JPH3: variants seen among roughly 807,000 people sequenced by gnomAD.
JPH3 encodes junctophilin-3.
A neutral mutation model predicts 59.6 loss-of-function variants in JPH3; 11 were observed. The observed-to-expected ratio is 0.18, with a 90% CI of 0.12 to 0.31. JPH3 has a LOEUF of 0.31. Ranked by LOEUF, JPH3 falls within the 10% of genes least tolerant of loss-of-function variation. The pLI, the probability that JPH3 is intolerant of heterozygous loss-of-function variation, is 1.00. For synonymous variants in JPH3, 673 were observed against 483.6 expected (o/e 1.39, Z -5.14); for missense variants, 1,202 against 1,105.7 (o/e 1.09, Z -1.24).
intron 4 of JPH3, chr16:87,694,646 C>G (rs2033732450): frequency 6.5e-6 from 1 of 152,894 alleles, no homozygotes; most frequent in Admixed American, 6.5e-5. Context: ...GTCTGCTGTT[C>G]TTTGCGTAGC....
intron 4 of JPH3, chr16:87,696,164 T>A (rs757993485): frequency 6.6e-6 from 3 of 455,744 alleles, no homozygotes; most frequent in Admixed American, 2.4e-5. Context: ...ATGGCAGCCA[T>A]GCGGGCCCTT....
intron 2 of JPH3, among the ~76,000 whole-genome samples, chr16:87,669,439 G>T (rs571088609): frequency 6.6e-6 from 1 of 152,328 alleles, no homozygotes; most frequent in African/African-American, 2.4e-5. Flanking sequence ...TGCAACACAC[G>T]CCTGGGGTTC....
intron 1 of JPH3, among the ~76,000 whole-genome samples, chr16:87,643,181 G>A (rs372315007): frequency 6.6e-6 from 1 of 152,174 alleles, no homozygotes; most frequent in South Asian, 2.1e-4. Flanking sequence ...TCTGTGTAAT[G>A]TCTTCAGCGT....
chr16:87,655,725 C>T (rs992802272), intron 2 of JPH3, among the ~76,000 whole-genome samples: 10 of 152,360 alleles, frequency 6.6e-5, no homozygotes, highest in East Asian at 1.9e-4. Flanking sequence ...ATTCAGAACA[C>T]GTAATGAGTG....
At chr16:87,644,087 G>A (rs918366) in intron 1 of JPH3, among the ~76,000 whole-genome samples, 171 bp from the exon 2 acceptor site, 23,838 of 152,218 alleles carry the variant, frequency 0.16, 2,425 homozygotes, top group East Asian at 0.35. Flanking sequence ...GTCGTGAGCT[G>A]TGATGGTCTC....
chr16:87,676,217 G>A (rs973393832), intron 2 of JPH3, among the ~76,000 whole-genome samples: 2 of 152,226 alleles, frequency 1.3e-5, no homozygotes, highest in African/African-American at 4.8e-5. Flanking sequence ...TCTTCTCAAT[G>A]AGACCAGAAT....
intron 3 of JPH3, among the ~76,000 whole-genome samples, chr16:87,689,340 C>T (rs917422811): frequency 1.3e-5 from 2 of 152,172 alleles, no homozygotes; most frequent in Admixed American, 6.5e-5. Flanking sequence ...CACACCCCAG[C>T]GTCCTCACGC....
chr16:87,691,882 G>A (rs768239934), intron 4 of JPH3, among the ~76,000 whole-genome samples: 8 of 152,182 alleles, frequency 5.3e-5, no homozygotes, highest in Non-Finnish European at 1.2e-4. Context: ...GAACAGCCAA[G>A]CAGTGGGCAG....
intron 2 of JPH3, among the ~76,000 whole-genome samples, chr16:87,657,628 C>G (rs1277047038): frequency 1.3e-5 from 2 of 152,202 alleles, no homozygotes; most frequent in Non-Finnish European, 2.9e-5. Flanking sequence ...GTACCAGTCA[C>G]TCATTGTGGA....
intron 2 of JPH3, among the ~76,000 whole-genome samples, chr16:87,653,265 T>C (rs1156289870): frequency 6.6e-6 from 1 of 152,194 alleles, no homozygotes; most frequent in Non-Finnish European, 1.5e-5. Flanking sequence ...CCTTTGTGTC[T>C]CCAGCACCTG....
At chr16:87,614,020 G>T (rs2030839609) in intron 1 of JPH3, among the ~76,000 whole-genome samples, 1 of 152,188 alleles carries the variant, frequency 6.6e-6, no homozygotes, top group Non-Finnish European at 1.5e-5. Flanking sequence ...TTGCTTTACA[G>T]ATGAGGAAAC....
intron 3 of JPH3, among the ~76,000 whole-genome samples, chr16:87,686,853 GGA>G: frequency 6.6e-6 from 1 of 152,340 alleles, no homozygotes; most frequent in East Asian, 1.9e-4. Context: ...CCGCTGTGAT[GGA>G]GAGACGGGGC....
intron 1 of JPH3, among the ~76,000 whole-genome samples, chr16:87,625,217 C>T (rs984041241): frequency 3.3e-5 from 5 of 152,360 alleles, no homozygotes; most frequent in Non-Finnish European, 5.9e-5. Context: ...CTCCACCTGG[C>T]GACTGACCAC....
rs560905638 is a variant in JPH3, at chr16:87,648,090, TG to T, written c.1160+3058del. 2.9e-3 allele frequency among the ~76,000 whole-genome samples: 438 copies of T among 152,208 alleles called. 3 individuals are homozygous for T. The highest frequency in any genetic ancestry group is 9.8e-3 in the African/African-American group (406 of 41,546). On this transcript the variant is annotated intron_variant, in intron 2 of 4. Coordinates refer to ENST00000284262, the MANE Select transcript of JPH3 (RefSeq NM_020655.4). ...TCCCCCAGCCCTGCTGTGACAGGCA[TG>T]GGAGGCAGGTGTGTTTGTGAGCTCA...
intron 2 of JPH3, among the ~76,000 whole-genome samples, chr16:87,679,796 C>A (rs1207684934): frequency 4.6e-5 from 7 of 152,246 alleles, no homozygotes; most frequent in Admixed American, 4.6e-4. Flanking sequence ...GTTCTCCAGG[C>A]ACTGGCCAGG....
intron 1 of JPH3, among the ~76,000 whole-genome samples, chr16:87,621,946 G>A (rs2150829526): frequency 6.6e-6 from 1 of 152,346 alleles, no homozygotes; most frequent in Non-Finnish European, 1.5e-5. Flanking sequence ...GTCGAGAGGG[G>A]GGATGGTTGG....
At chr16:87,676,746 G>C (rs1486194088) in intron 2 of JPH3, among the ~76,000 whole-genome samples, 1 of 148,020 alleles carries the variant, frequency 6.8e-6, no homozygotes, top group Non-Finnish European at 1.5e-5. Flanking sequence ...AAAAAAAATT[G>C]TTATCTCAGC....
intron 2 of JPH3, among the ~76,000 whole-genome samples, chr16:87,663,971 T>C (rs1179205018): frequency 1.3e-5 from 2 of 152,200 alleles, no homozygotes; most frequent in African/African-American, 4.8e-5. Flanking sequence ...GAATCGACTC[T>C]TCTGTGCTCA....
At position 87,624,166 on chromosome 16, in the gene JPH3, A is replaced by G. The variant is rs186850802; in HGVS notation, c.383-20092A>G. On this transcript the variant is annotated intron_variant, in intron 1 of 4. Transcript: ENST00000284262. ...TTTTAAAAAATACAGCTTTGCTGAC[A>G]TATGTTTCACACACCGTACAATTCA... Among the ~76,000 whole-genome samples the G allele has an allele frequency of 3.9e-3, 599 of 152,340 alleles. 4 individuals are homozygous for G. The highest frequency in any genetic ancestry group is 0.013 in the African/African-American group (555 of 41,570).
Sources: gnomAD v4.1 joint callset for allele counts (sites outside exome capture counted in the v4.1 genomes callset) on GRCh38, gnomAD v4.1.1 for gene constraint, MANE v1.5 for transcripts, NCBI Gene and HGNC (gene_info 2026-07-23, HGNC 2026-07-21) for gene names.